TUSC2: variants seen among roughly 807,000 people sequenced by gnomAD.
The protein encoded by TUSC2 is tumor suppressor 2, mitochondrial calcium regulator.
In TUSC2, 7 loss-of-function variants were observed where a neutral mutation model predicts 11.5. That is an observed-to-expected ratio of 0.61 (90% CI 0.35 to 1.14). The LOEUF is 1.14. Ranked by LOEUF, TUSC2 falls within the 50% of genes most tolerant of loss-of-function variation. The probability of loss-of-function intolerance (pLI) is 0.03; values close to 1 mark genes in which losing one functional copy is unlikely to be tolerated. For missense variants in TUSC2, 132 were observed against 155.0 expected (o/e 0.85, Z 0.79); for synonymous variants, 61 against 64.1 (o/e 0.95, Z 0.23).
Position 50,327,036 on chromosome 3 carries a change from A to G in TUSC2, c.147-559T>C, listed in dbSNP as rs1430098493. 3.3e-5 allele frequency: 13 copies of G among 397,372 alleles called. No individual in the cohort carries two copies. In the Admixed American group the frequency reaches 3.7e-4, roughly 11 times the overall value. The allele number at this position is 397,372 out of a possible 1,614,324, so 24.6% of individuals were successfully genotyped here. A position where few individuals can be genotyped will look rare whatever the true frequency, so the allele number is the denominator to read the frequency against. On this transcript the variant is annotated intron_variant, in intron 1 of 2. Coordinates refer to ENST00000232496, the MANE Select transcript of TUSC2 (RefSeq NM_007275.3). The stretch of plus-strand genomic sequence containing the variant: ...AAGAAGAGAGCCCACACCAGAGCAC[A>G]CCATCCAGGCAGCCACCAAGGCCAG...
rs1702805130 is a variant in TUSC2, at chr3:50,327,543, T to G, written c.146+411A>C. 6.6e-5 allele frequency among the ~76,000 whole-genome samples: 10 copies of G among 152,296 alleles called. 1 individual carries two copies. In the South Asian group the frequency reaches 2.1e-3, roughly 32 times the overall value. ...TTTCCCAGCCACTACGCTCAAAGGT[T>G]CAGCCCCACTACTGTCAGGAAAAGC... On this transcript the variant is annotated intron_variant, in intron 1 of 2. Coordinates refer to ENST00000232496, the MANE Select transcript of TUSC2 (RefSeq NM_007275.3).
rs1332159301 is a variant in TUSC2 at position 50,325,939 on chromosome 3, A to G, written c.*182T>C. ...CACCCACCAACCACCTCTTGTCCAC[A>G]CACAAACCAACACCCAACCAATACT... On this transcript the variant is annotated 3_prime_UTR_variant, in exon 3 of 3. Coordinates refer to ENST00000232496, the MANE Select transcript of TUSC2 (RefSeq NM_007275.3). This position sits in a 1 kb window ranked among gnomAD's most constrained non-coding sequence, Gnocchi z 5.1. The G allele has an allele frequency of 5.4e-6, 4 of 746,334 alleles. No individual in the cohort carries two copies. The highest frequency in any genetic ancestry group is 8.8e-6 in the Non-Finnish European group (4 of 455,266). The allele number at this position is 746,334 out of a possible 1,614,324, so 46.2% of individuals were successfully genotyped here. A position where few individuals can be genotyped will look rare whatever the true frequency, so the allele number is the denominator to read the frequency against.
Position 50,328,172 on chromosome 3 carries a change from C to A in TUSC2, c.-73G>T. On this transcript the variant is annotated 5_prime_UTR_variant, in exon 1 of 3. Transcript: ENST00000232496. ...CCGCAGTCCGCACTACCATAACCTG[C>A]CCCAGCCGCTGATCGCAGGTGCCGC... 7.8e-7 allele frequency: 1 copy of A among 1,289,336 alleles called. No homozygotes were observed. The highest frequency in any genetic ancestry group is 9.8e-7 in the Non-Finnish European group (1 of 1,016,346). The allele number at this position is 1,289,336 out of a possible 1,614,324, so 79.9% of individuals were successfully genotyped here. A position where few individuals can be genotyped will look rare whatever the true frequency, so the allele number is the denominator to read the frequency against.
intron 1 of TUSC2, chr3:50,327,256 G>A (rs587696877): frequency 1.8e-4 from 82 of 456,556 alleles, no homozygotes; most frequent in South Asian, 7.4e-4. Context: ...TGAAGGCTGC[G>A]TCTCCCCTGA....
In TUSC2 at chr3:50,328,192, TGCC is replaced by T. The variant is rs1338691840; in HGVS notation, c.-96_-94del. On this transcript the variant is annotated 5_prime_UTR_variant, in exon 1 of 3. Coordinates refer to ENST00000232496, the MANE Select transcript of TUSC2 (RefSeq NM_007275.3). ...ACCTGCCCCAGCCGCTGATCGCAGG[TGCC>T]GCCGCCGCCGCCTTCCGCAGGCTCG... 133 of 1,275,360 alleles carry T rather than the reference TGCC, an allele frequency of 1.0e-4. No homozygotes were observed. Among genetic ancestry groups the T allele is most frequent in the South Asian group, 3.3e-4 (15 of 45,260 alleles). 79.0% of individuals were successfully genotyped at this position (1,275,360 alleles called of 1,614,324 possible). A position where few individuals can be genotyped will look rare whatever the true frequency, so the allele number is the denominator to read the frequency against.
At position 50,326,152 on chromosome 3, in the gene TUSC2, A is replaced by C; in HGVS notation, c.302T>G (p.Val101Gly). 1 of 1,597,624 alleles carries C rather than the reference A, an allele frequency of 6.3e-7. No homozygotes were observed. Among genetic ancestry groups the C allele is most frequent in the Non-Finnish European group, 8.5e-7 (1 of 1,172,262 alleles). ...CTCATAGAGGATCACAGGGAAATCC[A>C]CGTGGATGCGGGGGTGATCCAGCTT... is the stretch of plus-strand genomic sequence containing the variant. ...IVKLDHPRIH[V>G]DFPVILYEV Residue 101 changes from valine to glycine, a missense_variant, in exon 3 of 3, where the codon GTG becomes GGG. This residue lies in a region of TUSC2 where 65 missense variants were observed against 94.0 expected (regional missense o/e 0.69). Coordinates refer to ENST00000232496, the MANE Select transcript of TUSC2 (RefSeq NM_007275.3).
At position 50,327,934 on chromosome 3, in the gene TUSC2, G is replaced by A. The variant is rs781795168; in HGVS notation, c.146+20C>T. ...GCCGCCCGCCTGTTCCCCCCGCCAG[G>A]GTGGAACCCATGCCCTTACCCGCGG... is the stretch of plus-strand genomic sequence containing the variant. On this transcript the variant is annotated intron_variant, in intron 1 of 2. Coordinates refer to ENST00000232496, the MANE Select transcript of TUSC2 (RefSeq NM_007275.3). 3 of 1,488,430 alleles carry A rather than the reference G, an allele frequency of 2.0e-6. No individual in the cohort carries two copies. In the South Asian group the frequency reaches 3.9e-5, roughly 19 times the overall value. 92.2% of individuals were successfully genotyped at this position (1,488,430 alleles called of 1,614,324 possible). A position where few individuals can be genotyped will look rare whatever the true frequency, so the allele number is the denominator to read the frequency against.
Position 50,328,091 on chromosome 3 carries a change from G to C in TUSC2, c.9C>G (p.Ala3=). The C allele has an allele frequency of 7.1e-7, 1 of 1,401,550 alleles. No homozygotes were observed. The highest frequency in any genetic ancestry group is 9.3e-7 in the Non-Finnish European group (1 of 1,078,662). 86.8% of individuals were successfully genotyped at this position (1,401,550 alleles called of 1,614,324 possible). A position where few individuals can be genotyped will look rare whatever the true frequency, so the allele number is the denominator to read the frequency against. Residue 3 remains alanine, a synonymous_variant, in exon 1 of 3, where the codon GCC becomes GCG. Transcript: ENST00000232496. ...ACAGGCCCCGAGCTTTGGACCCGCT[G>C]GCGCCCATGTCAGGGCCGCCGGCGC... is the stretch of plus-strand genomic sequence containing the variant. MG[A]SGSKARGLWP... is the part of the protein sequence containing the mutation.
At chr3:50,327,643 G>A (rs1702806663) in intron 1 of TUSC2, among the ~76,000 whole-genome samples, 1 of 152,190 alleles carries the variant, frequency 6.6e-6, no homozygotes, top group African/African-American at 2.4e-5. Flanking sequence ...CAGTATGCAG[G>A]CTGAGCCGGA....
At chr3:50,327,819 G>A in intron 1 of TUSC2, 135 bp downstream of exon 1, 1 of 1,274,076 alleles carries the variant, frequency 7.8e-7, no homozygotes, top group Non-Finnish European at 1.0e-6. Flanking sequence ...TCCACCCCCA[G>A]CTCCAATGAG....
In TUSC2 at chr3:50,327,964, T is replaced by C; in HGVS notation, c.136A>G (p.Thr46Ala). 6.5e-7 allele frequency: 1 copy of C among 1,538,896 alleles called. No individual in the cohort carries two copies. Among genetic ancestry groups the C allele is most frequent in the Admixed American group, 2.0e-5 (1 of 50,410 alleles). ...RGRAVPPFVF[T>A]RRGSMFYDED... ...AACCCATGCCCTTACCCGCGGCGCG[T>C]GAATACGAAGGGGGGCACAGCTCGG... Residue 46 changes from threonine (T) to alanine (A), a missense_variant, in exon 1 of 3, where the codon ACG becomes GCG. Physicochemically the swap from Thr to Ala is moderately conservative, Grantham distance 58. Coordinates refer to ENST00000232496, the MANE Select transcript of TUSC2 (RefSeq NM_007275.3).
rs1442517884 is a variant in TUSC2 at position 50,327,214 on chromosome 3, A to G, written c.147-737T>C. On this transcript the variant is annotated intron_variant, in intron 1 of 2. Coordinates refer to ENST00000232496, the MANE Select transcript of TUSC2 (RefSeq NM_007275.3). Reference sequence around the variant, plus strand: ...GCCCAGTGTCAAAGACTGAAATAGCAGAAGCCTAAGCTAGGAAGAAGCACA... The same window carrying G: ...GCCCAGTGTCAAAGACTGAAATAGCGGAAGCCTAAGCTAGGAAGAAGCACA... The G allele has an allele frequency of 1.3e-5, 6 of 456,648 alleles. No homozygotes were observed. The East Asian group carries it at 3.5e-4, about 26-fold the overall frequency. The allele number at this position is 456,648 out of a possible 1,614,324, so 28.3% of individuals were successfully genotyped here.
chr3:50,326,346 C>T lies in TUSC2; in HGVS notation c.267+11G>A, dbSNP rs149023901. 213 of 1,613,872 alleles carry T rather than the reference C, an allele frequency of 1.3e-4. No homozygotes were observed. In the African/African-American group the frequency reaches 2.5e-3, roughly 19 times the overall value. On this transcript the variant is annotated intron_variant, in intron 2 of 2. Coordinates refer to ENST00000232496, the MANE Select transcript of TUSC2 (RefSeq NM_007275.3). ...TAGTGTAGGCTCTGTGACCGCTGCC[C>T]AGCCCCTCACCTGAGGAATCAGATT...
rs1553717646 is a variant in TUSC2, at chr3:50,328,063, G to A, written c.37C>T (p.Pro13Ser). 4.0e-6 allele frequency: 6 copies of A among 1,483,842 alleles called. No homozygotes were observed. Among genetic ancestry groups the A allele is most frequent in the Middle Eastern group, 2.4e-4 (1 of 4,222 alleles). 91.9% of individuals were successfully genotyped at this position (1,483,842 alleles called of 1,614,324 possible). ...CCGCCTCCGGCCGCCGAGGCGAAGG[G>A]CCACAGGCCCCGAGCTTTGGACCCG... ...ASGSKARGLWPFASAAGGGGS... is the reference protein window; with the variant it reads ...ASGSKARGLWSFASAAGGGGS... Residue 13 changes from proline to serine, a missense_variant, in exon 1 of 3, where the codon CCC becomes TCC. Around this residue, in one of 3 missense-constraint regions of TUSC2, gnomAD observed 17 missense variants for 33.1 expected, o/e 0.51. Coordinates refer to ENST00000232496, the MANE Select transcript of TUSC2 (RefSeq NM_007275.3).
Position 50,326,002 on chromosome 3 carries a change from A to G in TUSC2, c.*119T>C. ...CGCTCACAGCTGAAGGTTATGGGCCAACAGAGTTTATTCAGGGTTGTGGCC... is the reference window on the plus strand; with the variant it reads ...CGCTCACAGCTGAAGGTTATGGGCCGACAGAGTTTATTCAGGGTTGTGGCC... On this transcript the variant is annotated 3_prime_UTR_variant, in exon 3 of 3. Coordinates refer to ENST00000232496, the MANE Select transcript of TUSC2 (RefSeq NM_007275.3). 7.8e-7 allele frequency: 1 copy of G among 1,278,442 alleles called. No individual in the cohort carries two copies. Among genetic ancestry groups the G allele is most frequent in the Non-Finnish European group, 1.1e-6 (1 of 909,346 alleles). The allele number at this position is 1,278,442 out of a possible 1,614,324, so 79.2% of individuals were successfully genotyped here. A position where few individuals can be genotyped will look rare whatever the true frequency, so the allele number is the denominator to read the frequency against.
chr3:50,326,237 G>A lies in TUSC2; in HGVS notation c.268-51C>T, dbSNP rs782101293. 16 of 1,609,746 alleles carry A rather than the reference G, an allele frequency of 9.9e-6. No homozygotes were observed. The South Asian group carries it at 1.8e-4, about 18-fold the overall frequency. On this transcript the variant is annotated intron_variant, in intron 2 of 2. Transcript: ENST00000232496. ...GGGTCAGCTCAGGGCCTCTACTTCAGGAAGCTTCCTTGTTCCTCCCAGATC... is the reference window on the plus strand; with the variant it reads ...GGGTCAGCTCAGGGCCTCTACTTCAAGAAGCTTCCTTGTTCCTCCCAGATC...
intron 1 of TUSC2, among the ~76,000 whole-genome samples, 158 bp downstream of exon 1, chr3:50,327,796 C>T (rs1250861165): frequency 6.6e-6 from 1 of 152,244 alleles, no homozygotes; most frequent in African/African-American, 2.4e-5. Context: ...CAGGAGACCA[C>T]TGCCCGGCTT....
chr3:50,327,780 G>A (rs1702807924), intron 1 of TUSC2, among the ~76,000 whole-genome samples, 174 bp downstream of exon 1: 1 of 152,212 alleles, frequency 6.6e-6, no homozygotes, highest in East Asian at 1.9e-4. Context: ...AGAGTGGCCA[G>A]GCCGCCAGGA....
At chr3:50,326,531 G>A (rs1702791331) in intron 1 of TUSC2, 54 bp from the exon 2 acceptor site, 1 of 1,602,102 alleles carries the variant, frequency 6.2e-7, no homozygotes, top group African/African-American at 1.3e-5. Flanking sequence ...CCTGGGCATG[G>A]CAAATGTCAC....
Sources: gnomAD v4.1 joint callset for allele counts (sites outside exome capture counted in the v4.1 genomes callset) on GRCh38, gnomAD v4.1.1 for gene constraint, gnomAD v4.1.1 regional missense constraint, Gnocchi (gnomAD v3.1) non-coding constraint, MANE v1.5 for transcripts, NCBI Gene and HGNC (gene_info 2026-07-23, HGNC 2026-07-21) for gene names.